Variants in SEMA4B observed in about 807,000 individuals in gnomAD.
SEMA4B encodes semaphorin-4B.
In SEMA4B, 55 loss-of-function variants were observed where a neutral mutation model predicts 88.1. The observed-to-expected ratio is 0.62, with a 90% CI of 0.50 to 0.78. The LOEUF (loss-of-function observed/expected upper bound fraction) is 0.78, where lower values mean the gene tolerates loss of function less well. Among genes scored for constraint, SEMA4B ranks in the 30% least tolerant of loss-of-function variants. The pLI, the probability that SEMA4B is intolerant of heterozygous loss-of-function variation, is 0.00. For synonymous variants in SEMA4B, 525 were observed against 473.6 expected (o/e 1.11, Z -1.41); for missense variants, 1,062 against 1,111.9 (o/e 0.96, Z 0.64).
rs1961308852 is a variant in SEMA4B, at chr15:90,212,315, TTGGTGAAGC to T, written c.158-5123_158-5115del. On this transcript the variant is annotated intron_variant, in intron 1 of 13. Coordinates refer to ENST00000411539, the MANE Select transcript of SEMA4B (RefSeq NM_198925.4). The surrounding 1 kb of genome is among the most constrained non-coding windows in gnomAD (Gnocchi z 4.0). ...ATCTGCCTAGTGGGATGCACTGGCCTTGGTGAAGCCCCTGGCTGAAGCCTGTCGGGGTGG... is the reference window on the plus strand; with the variant it reads ...ATCTGCCTAGTGGGATGCACTGGCCTCCCTGGCTGAAGCCTGTCGGGGTGG... 6.6e-6 allele frequency among the ~76,000 whole-genome samples: 1 copy of T among 152,170 alleles called. No individual in the cohort carries two copies. The highest frequency in any genetic ancestry group is 1.5e-5 in the Non-Finnish European group (1 of 68,016).
At chr15:90,198,111 A>G (rs1960575364), upstream of SEMA4B, among the ~76,000 whole-genome samples, 1 of 150,286 alleles carries the variant, frequency 6.7e-6, no homozygotes, top group African/African-American at 2.5e-5. Flanking sequence ...TTGTATTTTT[A>G]TTAGAGACGG....
chr15:90,220,219 C>A (rs1961742658), intron 4 of SEMA4B: 2 of 270,864 alleles, frequency 7.4e-6, no homozygotes, highest in South Asian at 7.0e-5. Flanking sequence ...ATCTTGTACA[C>A]CCCCTCCTCA....
chr15:90,204,612 A>C (rs577046025), intron 1 of SEMA4B, among the ~76,000 whole-genome samples: 1 of 152,302 alleles, frequency 6.6e-6, no homozygotes, highest in African/African-American at 2.4e-5. Context: ...TACCATGCAG[A>C]GCTCCAGGAC....
intron 1 of SEMA4B, among the ~76,000 whole-genome samples, chr15:90,206,348 G>C (rs1482533318): frequency 6.6e-6 from 1 of 152,166 alleles, no homozygotes; most frequent in Non-Finnish European, 1.5e-5. Context: ...TGGGAAGTCT[G>C]CTCCCTTGGA....
intron 1 of SEMA4B, among the ~76,000 whole-genome samples, chr15:90,185,828 A>G (rs1960148250): frequency 6.6e-6 from 1 of 152,114 alleles, no homozygotes; most frequent in African/African-American, 2.4e-5. Context: ...TCATAAGGAA[A>G]ACTGAAGCCA....
intron 1 of SEMA4B, among the ~76,000 whole-genome samples, chr15:90,187,976 G>A (rs2151581011): frequency 6.7e-6 from 1 of 148,604 alleles, no homozygotes; most frequent in East Asian, 2.0e-4. Flanking sequence ...TTGCACTCCA[G>A]CCTGGGTGAC....
At chr15:90,206,398 C>T (rs1960990904) in intron 1 of SEMA4B, among the ~76,000 whole-genome samples, 1 of 152,196 alleles carries the variant, frequency 6.6e-6, no homozygotes, top group African/African-American at 2.4e-5. Flanking sequence ...TTTCCCTGCC[C>T]CTCCTCTTCA....
intron 1 of SEMA4B, among the ~76,000 whole-genome samples, chr15:90,206,026 C>T (rs1483681346): frequency 6.6e-6 from 1 of 152,204 alleles, no homozygotes; most frequent in Non-Finnish European, 1.5e-5. Context: ...TACCTCTGTG[C>T]CAACCCAGGA....
intron 1 of SEMA4B, chr15:90,193,613 G>A (rs941225537): frequency 3.3e-5 from 5 of 152,190 alleles, no homozygotes; most frequent in African/African-American, 1.2e-4. Context: ...TCTGAGATGA[G>A]CACAGCAGTC....
rs1567061502 is a variant in SEMA4B at position 90,225,069 on chromosome 15, G to A, written c.1296G>A (p.Gln432=). ...AGGACCACTTCCTGATGGACGGGCA[G>A]GTCCGAAGCCGCATGCTGCTGCTGC... The part of the protein sequence containing the change: ...FLKDHFLMDG[Q]VRSRMLLLQP... The change falls in exon 10 of 14, where the codon CAG becomes CAA. Residue 432 remains glutamine (Q), a synonymous_variant. Coordinates refer to ENST00000411539, the MANE Select transcript of SEMA4B (RefSeq NM_198925.4). 1.2e-6 allele frequency: 2 copies of A among 1,613,864 alleles called. No individual in the cohort carries two copies. Among genetic ancestry groups the A allele is most frequent in the Non-Finnish European group, 1.7e-6 (2 of 1,179,832 alleles).
chr15:90,215,535 G>T (rs1427871026), intron 1 of SEMA4B, among the ~76,000 whole-genome samples: 2 of 152,184 alleles, frequency 1.3e-5, no homozygotes, highest in Admixed American at 6.5e-5. Context: ...CCAAGGTCTG[G>T]GCGCAGTGGC....
At chr15:90,206,493 C>T (rs183697934) in intron 1 of SEMA4B, 3 of 310,376 alleles carry the variant, frequency 9.7e-6, no homozygotes, top group African/African-American at 6.5e-5. Flanking sequence ...TCTTTCCCTG[C>T]TGCCACCAAG....
upstream of SEMA4B, among the ~76,000 whole-genome samples, chr15:90,199,718 C>T (rs926753325): frequency 6.6e-6 from 1 of 151,978 alleles, no homozygotes. Flanking sequence ...CTCAGCTACT[C>T]GGGAGGCTGA....
Position 90,223,734 on chromosome 15 carries a change from C to G in SEMA4B, c.1037C>G (p.Ser346Cys). ...RDTLFYGVFT[S>C]QWHRGTTEGS... ...ACCCTTTTCTATGGGGTCTTCACTT[C>G]CCAGTGGTAGGGCCTCCAGACCTCG... is the stretch of plus-strand genomic sequence containing the variant. The change falls in exon 8 of 14, where the codon TCC becomes TGC. Residue 346 changes from serine (S) to cysteine (C), a missense_variant. Ser to Cys is a moderately radical substitution (Grantham distance 112). Coordinates refer to ENST00000411539, the MANE Select transcript of SEMA4B (RefSeq NM_198925.4). 1 of 1,605,640 alleles carries G rather than the reference C, an allele frequency of 6.2e-7. No homozygotes were observed. The highest frequency in any genetic ancestry group is 8.5e-7 in the Non-Finnish European group (1 of 1,173,712).
chr15:90,212,634 G>A lies in SEMA4B; in HGVS notation c.158-4805G>A, dbSNP rs867873819. Among the ~76,000 whole-genome samples the A allele has an allele frequency of 1.2e-4, 16 of 130,762 alleles. No homozygotes were observed. The highest frequency in any genetic ancestry group is 3.4e-4 in the Admixed American group (4 of 11,800). 85.8% of individuals were successfully genotyped at this position (130,762 alleles called of 152,430 possible). A position where few individuals can be genotyped will look rare whatever the true frequency, so the allele number is the denominator to read the frequency against. ...GTGCGCAAGCGTGGACAAGCCCTGC[G>A]GTACCGTGTACACACACACACACAC... On this transcript the variant is annotated intron_variant, in intron 1 of 13. Coordinates refer to ENST00000411539, the MANE Select transcript of SEMA4B (RefSeq NM_198925.4). This position sits in a 1 kb window ranked among gnomAD's most constrained non-coding sequence, Gnocchi z 4.0.
chr15:90,214,364 G>C (rs1188582668), intron 1 of SEMA4B, among the ~76,000 whole-genome samples: 7 of 148,472 alleles, frequency 4.7e-5, no homozygotes, highest in African/African-American at 1.8e-4. Flanking sequence ...GCTGCTGGGC[G>C]TGGTGGCTCA....
chr15:90,206,996 C>A (rs200946245), intron 1 of SEMA4B: 21 of 460,936 alleles, frequency 4.6e-5, no homozygotes, highest in East Asian at 4.1e-4. Context: ...ACAAAAAAAA[C>A]AAAAAAAGCC....
In SEMA4B at chr15:90,201,604, G is replaced by A. The variant is rs760098331; in HGVS notation, c.26G>A (p.Arg9Lys). The A allele has an allele frequency of 8.3e-5, 126 of 1,518,000 alleles. 1 individual carries two copies. Among genetic ancestry groups the A allele is most frequent in the Admixed American group, 6.5e-4 (33 of 50,416 alleles). The allele number at this position is 1,518,000 out of a possible 1,614,324, so 94.0% of individuals were successfully genotyped here. Residue 9 changes from arginine (R) to lysine (K), a missense_variant, in exon 1 of 14, where the codon AGG becomes AAG. Arg to Lys is a conservative substitution (Grantham distance 26). Coordinates refer to ENST00000411539, the MANE Select transcript of SEMA4B (RefSeq NM_198925.4). ...ATGCTGCGCACCGCGATGGGCCTGA[G>A]GAGCTGGCTCGCCGCCCCATGGGGC... is the stretch of plus-strand genomic sequence containing the variant. MLRTAMGL[R>K]SWLAAPWGAL...
At chr15:90,226,915 C>A (rs1252051250) in intron 12 of SEMA4B, among the ~76,000 whole-genome samples, 2 of 147,388 alleles carry the variant, frequency 1.4e-5, no homozygotes. Context: ...CAGATGTATG[C>A]ATGTGCACTG....
Sources: gnomAD v4.1 joint callset for allele counts (sites outside exome capture counted in the v4.1 genomes callset) on GRCh38, gnomAD v4.1.1 for gene constraint, Gnocchi (gnomAD v3.1) non-coding constraint, MANE v1.5 for transcripts, NCBI Gene and HGNC (gene_info 2026-07-23, HGNC 2026-07-21) for gene names.